DNER: variants seen among roughly 807,000 people sequenced by gnomAD.
The protein encoded by DNER is delta/notch like EGF repeat containing, also known as delta and Notch-like epidermal growth factor-related receptor.
Under a neutral mutation model 78.2 loss-of-function variants are expected in DNER, and 33 were observed. That is an observed-to-expected ratio of 0.42 (90% CI 0.32 to 0.56). The LOEUF (loss-of-function observed/expected upper bound fraction) is 0.56. Among genes scored for constraint, DNER ranks in the 20% least tolerant of loss-of-function variants. The probability of loss-of-function intolerance (pLI) is 0.11; values close to 1 mark genes in which losing one functional copy is unlikely to be tolerated. For synonymous variants in DNER, 417 were observed against 384.8 expected (o/e 1.08, Z -0.98); for missense variants, 918 against 975.3 (o/e 0.94, Z 0.78).
intron 4 of DNER, among the ~76,000 whole-genome samples, chr2:229,551,498 A>T (rs1312083613): frequency 6.6e-6 from 1 of 151,976 alleles, no homozygotes; most frequent in Non-Finnish European, 1.5e-5. Flanking sequence ...GCCAGGCGTG[A>T]TGGTGAGCAC....
In DNER at chr2:229,427,316, G is replaced by A. The variant is rs141511067; in HGVS notation, c.1487-9086C>T. On this transcript the variant is annotated intron_variant, in intron 8 of 12. Transcript: ENST00000341772. ...CTGGCTTTAATAGCCACATGGGGAA[G>A]GTTGGTAATTCTCTGTTTCTCATAT... 2.0e-5 allele frequency among the ~76,000 whole-genome samples: 3 copies of A among 152,316 alleles called. No homozygotes were observed. In the East Asian group the frequency reaches 5.8e-4, roughly 29 times the overall value.
intron 5 of DNER, among the ~76,000 whole-genome samples, chr2:229,518,371 C>T (rs866135443): frequency 3.9e-5 from 6 of 152,214 alleles, no homozygotes; most frequent in African/African-American, 7.2e-5. Context: ...ACACAGTCCC[C>T]ATTCTAGTGG....
Position 229,419,504 on chromosome 2 carries a change from A to C in DNER, c.1487-1274T>G, listed in dbSNP as rs760166017. ...CAGCTCACAACCAACTCTCAAACTC[A>C]GAAAGTCCCATTAGAACATGCTAAT... On this transcript the variant is annotated intron_variant, in intron 8 of 12. Transcript: ENST00000341772. Among the ~76,000 whole-genome samples, 19 of 152,346 alleles carry C rather than the reference A, an allele frequency of 1.2e-4. 1 individual carries two copies. The highest frequency in any genetic ancestry group is 1.9e-4 in the Non-Finnish European group (13 of 68,044).
chr2:229,650,915 A>G (rs919272708), intron 1 of DNER, among the ~76,000 whole-genome samples: 1 of 152,146 alleles, frequency 6.6e-6, no homozygotes, highest in Non-Finnish European at 1.5e-5. Flanking sequence ...GGATCAACCC[A>G]TTGTGTAGAG....
In DNER at chr2:229,686,353, G is replaced by A. The variant is rs143890146; in HGVS notation, c.276+27795C>T. Among the ~76,000 whole-genome samples the A allele has an allele frequency of 1.6e-4, 24 of 152,252 alleles. 1 individual carries two copies. The highest frequency in any genetic ancestry group is 5.8e-4 in the African/African-American group (24 of 41,538). On this transcript the variant is annotated intron_variant, in intron 1 of 12. Transcript: ENST00000341772. ...CAGTCAACCTGCACCCAGGTTCTGA[G>A]TCAGCTTTCACCATCATTACCATGG...
At chr2:229,654,224 C>T (rs945099897) in intron 1 of DNER, among the ~76,000 whole-genome samples, 5 of 151,004 alleles carry the variant, frequency 3.3e-5, no homozygotes, top group Non-Finnish European at 7.4e-5. Flanking sequence ...GTTTGATTTT[C>T]TGTCCTTGCG....
chr2:229,417,622 C>T (rs551872254), intron 9 of DNER, among the ~76,000 whole-genome samples: 5 of 151,510 alleles, frequency 3.3e-5, no homozygotes, highest in South Asian at 2.1e-4. Flanking sequence ...GGGGTTAGAA[C>T]GGGGTCCACA....
intron 7 of DNER, among the ~76,000 whole-genome samples, chr2:229,474,215 C>T (rs558928428): frequency 2.6e-5 from 4 of 152,140 alleles, no homozygotes; most frequent in Non-Finnish European, 5.9e-5. Context: ...GACACAGGCT[C>T]TTTTTAAAGT....
At chr2:229,368,169 C>A (rs1284984939) in intron 11 of DNER, among the ~76,000 whole-genome samples, 1 of 152,068 alleles carries the variant, frequency 6.6e-6, no homozygotes, top group Non-Finnish European at 1.5e-5. Flanking sequence ...TTGAGACCAG[C>A]CTGAGCAGTA....
At chr2:229,613,715 A>AAG (rs778556446) in intron 1 of DNER, among the ~76,000 whole-genome samples, 43 of 151,980 alleles carry the variant, frequency 2.8e-4, no homozygotes, top group Non-Finnish European at 5.1e-4. Flanking sequence ...TTTTACTTTA[A>AAG]AGACATTTCA....
chr2:229,477,524 T>C (rs1695062191), intron 6 of DNER, among the ~76,000 whole-genome samples: 1 of 152,226 alleles, frequency 6.6e-6, no homozygotes, highest in South Asian at 2.1e-4. Context: ...CTGTGTTTCA[T>C]CTTGAAATAT....
At chr2:229,551,066 C>T (rs1392442754) in intron 4 of DNER, among the ~76,000 whole-genome samples, 4 of 152,200 alleles carry the variant, frequency 2.6e-5, no homozygotes. Context: ...GTTCACTTTT[C>T]ATACTTTTAA....
chr2:229,600,969 G>A (rs552565163), intron 1 of DNER, among the ~76,000 whole-genome samples: 72 of 152,284 alleles, frequency 4.7e-4, no homozygotes, highest in Non-Finnish European at 8.1e-4. Context: ...GGAGAAATTA[G>A]AATGAACAAT....
At chr2:229,362,452 T>A (rs1357879330) in intron 12 of DNER, among the ~76,000 whole-genome samples, 1 of 152,198 alleles carries the variant, frequency 6.6e-6, no homozygotes, top group Non-Finnish European at 1.5e-5. Flanking sequence ...GCTATGTACT[T>A]CTGCATTGAA....
intron 1 of DNER, among the ~76,000 whole-genome samples, chr2:229,684,026 C>A (rs1699432668): frequency 6.6e-6 from 1 of 151,850 alleles, no homozygotes; most frequent in African/African-American, 2.4e-5. Context: ...ATACTGAAAC[C>A]CTTTCAACAG....
intron 2 of DNER, among the ~76,000 whole-genome samples, chr2:229,590,044 ATTTT>A (rs10532742): frequency 3.3e-4 from 50 of 151,260 alleles, no homozygotes; most frequent in African/African-American, 7.8e-4. Flanking sequence ...GCAAAAATCT[ATTTT>A]TTTTTTTTTC....
rs58541596 is a variant in DNER at position 229,499,719 on chromosome 2, G to A, written c.1147+13064C>T. ...GCAACAAAAGCAAAAATAGACAAAC[G>A]GGATTACATCAAACTAAAAAGCTTC... is the stretch of plus-strand genomic sequence containing the variant. On this transcript the variant is annotated intron_variant, in intron 6 of 12. Coordinates refer to ENST00000341772, the MANE Select transcript of DNER (RefSeq NM_139072.4). 5.3e-3 allele frequency among the ~76,000 whole-genome samples: 800 copies of A among 151,814 alleles called. 5 individuals are homozygous for A. The highest frequency in any genetic ancestry group is 0.018 in the African/African-American group (739 of 41,422).
intron 4 of DNER, among the ~76,000 whole-genome samples, chr2:229,575,056 G>A (rs1331443646): frequency 6.6e-6 from 1 of 152,004 alleles, no homozygotes; most frequent in Non-Finnish European, 1.5e-5. Flanking sequence ...AAGGGATAAA[G>A]TATTTCTTTC....
intron 1 of DNER, among the ~76,000 whole-genome samples, chr2:229,704,092 A>G (rs956006719): frequency 1.3e-5 from 2 of 152,242 alleles, no homozygotes; most frequent in Admixed American, 6.5e-5. Flanking sequence ...CAAATAGCAT[A>G]TGAAAAGATG....
Sources: allele counts gnomAD v4.1 joint callset (sites outside exome capture counted in the v4.1 genomes callset), GRCh38; gene constraint gnomAD v4.1.1; transcripts MANE v1.5; gene names NCBI Gene and HGNC (gene_info 2026-07-23, HGNC 2026-07-21).